Variants in EP300 observed in about 807,000 individuals in gnomAD.
EP300 encodes EP300 lysine acetyltransferase, also known as histone acetyltransferase p300.
EP300 carries 31 observed loss-of-function variants against 264.0 expected under a neutral mutation model. The observed-to-expected ratio is 0.12, with a 90% CI of 0.09 to 0.16. EP300 has a LOEUF of 0.16. Among genes scored for constraint, EP300 ranks in the 10% least tolerant of loss-of-function variants. The pLI, the probability that EP300 is intolerant of heterozygous loss-of-function variation, is 1.00. For missense variants in EP300, 2,766 were observed against 3,052.9 expected (o/e 0.91, Z 2.21); for synonymous variants, 1,340 against 1,045.4 (o/e 1.28, Z -5.44).
At position 41,092,873 on chromosome 22, in the gene EP300, C is replaced by T; in HGVS notation, c.-132C>T. ...GCGACCCGGCGAAGAGAAAAAGGAA[C>T]TTCCCCCACCCCCTCGGGTGCCGTC... On this transcript the variant is annotated 5_prime_UTR_variant, in exon 1 of 31. Coordinates refer to ENST00000263253, the MANE Select transcript of EP300 (RefSeq NM_001429.4). 1.0e-6 allele frequency: 1 copy of T among 957,974 alleles called. No homozygotes were observed. The highest frequency in any genetic ancestry group is 2.4e-5 in the East Asian group (1 of 41,900). The allele number at this position is 957,974 out of a possible 1,614,324, so 59.3% of individuals were successfully genotyped here. A position where few individuals can be genotyped will look rare whatever the true frequency, so the allele number is the denominator to read the frequency against.
At chr22:41,158,235 G>A (rs999899224) in intron 18 of EP300, among the ~76,000 whole-genome samples, 177 bp from the exon 19 acceptor site, 7 of 152,296 alleles carry the variant, frequency 4.6e-5, no homozygotes, top group African/African-American at 1.2e-4. Flanking sequence ...CTACCTCAGC[G>A]TTTTGAAATA....
chr22:41,168,177 G>A, intron 23 of EP300: 1 of 450,296 alleles, frequency 2.2e-6, no homozygotes, highest in Non-Finnish European at 4.1e-6. Flanking sequence ...AAAATGAGAA[G>A]TTGGGGAAAA....
chr22:41,141,811 G>A (rs2058984183), intron 10 of EP300, among the ~76,000 whole-genome samples: 2 of 152,030 alleles, frequency 1.3e-5, no homozygotes, highest in South Asian at 4.1e-4. Flanking sequence ...CGAGTAGCTG[G>A]GATTACAGGC....
chr22:41,117,857 T>C (rs760930546), intron 2 of EP300, 36 bp downstream of exon 2: 1 of 1,612,384 alleles, frequency 6.2e-7, no homozygotes, highest in African/African-American at 1.3e-5. Flanking sequence ...ACAATCGGCA[T>C]GCATGTGAGT....
chr22:41,169,759 A>C (rs749056483), intron 26 of EP300, 143 bp downstream of exon 26: 2 of 651,406 alleles, frequency 3.1e-6, no homozygotes, highest in Non-Finnish European at 2.7e-6. Context: ...ACTTTGTTGG[A>C]GCCCCTTTGA....
chr22:41,131,347 C>T (rs768369716), intron 5 of EP300, 41 bp from the exon 6 acceptor site: 2 of 1,605,886 alleles, frequency 1.2e-6, no homozygotes, highest in Non-Finnish European at 8.5e-7. Flanking sequence ...TTTTTTCTCA[C>T]CAGCATTAAT....
At chr22:41,110,531 G>C (rs2058783990) in intron 1 of EP300, among the ~76,000 whole-genome samples, 1 of 151,454 alleles carries the variant, frequency 6.6e-6, no homozygotes, top group South Asian at 2.1e-4. Context: ...GGCCTCAAGT[G>C]ATCCACCCGC....
chr22:41,093,150 G>T (rs2058683173), intron 1 of EP300, 52 bp downstream of exon 1: 4 of 1,556,458 alleles, frequency 2.6e-6, no homozygotes, highest in East Asian at 2.2e-5. Flanking sequence ...TTTTCTACTC[G>T]GTGCGCCTTT....
chr22:41,132,681 G>C (rs1454017839), intron 6 of EP300, among the ~76,000 whole-genome samples: 1 of 152,134 alleles, frequency 6.6e-6, no homozygotes, highest in Non-Finnish European at 1.5e-5. Flanking sequence ...GGCATTTTGG[G>C]CTGAAACATA....
In EP300 at chr22:41,141,313, C is replaced by G. The variant is rs962931441; in HGVS notation, c.2053+91C>G. 1.3e-5 allele frequency: 19 copies of G among 1,412,798 alleles called. No individual in the cohort carries two copies. In the African/African-American group the frequency reaches 2.1e-4, roughly 16 times the overall value. 87.5% of individuals were successfully genotyped at this position (1,412,798 alleles called of 1,614,324 possible). Reference sequence around the variant, plus strand: ...CATTAATTTCTGTAAGCTTGTGTAACTATTCTAGAGTTTTTTAAATAACCA... The same window carrying G: ...CATTAATTTCTGTAAGCTTGTGTAAGTATTCTAGAGTTTTTTAAATAACCA... On this transcript the variant is annotated intron_variant, in intron 10 of 30. Transcript: ENST00000263253.
intron 23 of EP300, among the ~76,000 whole-genome samples, chr22:41,166,996 ATTATTTT>A (rs1180728129): frequency 1.3e-5 from 2 of 152,014 alleles, no homozygotes; most frequent in Non-Finnish European, 2.9e-5. Flanking sequence ...TTGTTTATTT[ATTATTTT>A]TTATTTTATT....
chr22:41,157,239 A>G lies in EP300; in HGVS notation c.3332A>G (p.Tyr1111Cys), dbSNP rs1173758442. The change falls in exon 18 of 31, where the codon TAT becomes TGT. Residue 1111 changes from tyrosine to cysteine, a missense_variant. Coordinates refer to ENST00000263253, the MANE Select transcript of EP300 (RefSeq NM_001429.4). ...AAGAGGAAGTTAGACACTGGACAGT[A>G]TCAGGAGCCCTGGCAGTATGTCGAT... ...TIKRKLDTGQ[Y>C]QEPWQYVDDI... The G allele has an allele frequency of 1.2e-6, 2 of 1,614,208 alleles. No homozygotes were observed. The highest frequency in any genetic ancestry group is 1.7e-5 in the Admixed American group (1 of 60,022).
chr22:41,119,170 T>C (rs1406946895), intron 2 of EP300, among the ~76,000 whole-genome samples: 1 of 99,352 alleles, frequency 1.0e-5, no homozygotes, highest in Non-Finnish European at 1.9e-5. Context: ...GCCTGGCTTA[T>C]TATTATTTTT....
intron 19 of EP300, chr22:41,159,814 A>G (rs1253972024): frequency 6.6e-6 from 1 of 152,256 alleles, no homozygotes; most frequent in Non-Finnish European, 1.5e-5. Context: ...AGTTGGGATT[A>G]CAGGTGTGTG....
chr22:41,108,411 G>A (rs934757327), intron 1 of EP300, among the ~76,000 whole-genome samples: 1 of 151,802 alleles, frequency 6.6e-6, no homozygotes, highest in African/African-American at 2.4e-5. Flanking sequence ...ACCATGCCTG[G>A]CTAATTTTCG....
rs1196481663 is a variant in EP300, at chr22:41,160,604, CG to C, written c.3591-36del. On this transcript the variant is annotated intron_variant, in intron 19 of 30. Transcript: ENST00000263253. ...CTTGGCTTGGGCTGTGTTGTGTGAA[CG>C]GAACAGTTCACCCCAGTATGGCCTT... 7 of 1,603,118 alleles carry C rather than the reference CG, an allele frequency of 4.4e-6. No homozygotes were observed. In the Admixed American group the frequency reaches 1.0e-4, roughly 23 times the overall value.
chr22:41,119,582 C>T (rs1358033991), intron 2 of EP300, among the ~76,000 whole-genome samples: 1 of 151,888 alleles, frequency 6.6e-6, no homozygotes, highest in Non-Finnish European at 1.5e-5. Context: ...CTACTGTGCA[C>T]ATAAGATATA....
chr22:41,121,720 ATTGT>A (rs2058852982), intron 2 of EP300, among the ~76,000 whole-genome samples: 1 of 152,188 alleles, frequency 6.6e-6, no homozygotes, highest in Non-Finnish European at 1.5e-5. Context: ...GAAGGACCAG[ATTGT>A]TTGGGGAAAT....
intron 1 of EP300, among the ~76,000 whole-genome samples, chr22:41,116,810 C>G (rs1296451190): frequency 1.3e-5 from 2 of 152,118 alleles, no homozygotes; most frequent in African/African-American, 4.8e-5. Context: ...CCTGTAATCC[C>G]AGCACTTTGG....
Sources: allele counts gnomAD v4.1 joint callset (sites outside exome capture counted in the v4.1 genomes callset), GRCh38; gene constraint gnomAD v4.1.1; transcripts MANE v1.5; gene names NCBI Gene and HGNC (gene_info 2026-07-23, HGNC 2026-07-21).